TBXAS1: variants seen among roughly 807,000 people sequenced by gnomAD.
TBXAS1 encodes thromboxane-A synthase.
A neutral mutation model predicts 60.7 loss-of-function variants in TBXAS1; 48 were observed. The ratio of observed to expected loss-of-function variants is 0.79; its 90% CI spans 0.63 to 1.01. The LOEUF is 1.01. Ranked by LOEUF, TBXAS1 falls within the 50% of genes least tolerant of loss-of-function variation. TBXAS1 has a pLI of 0.00. For synonymous variants in TBXAS1, 287 were observed against 269.7 expected, an observed-to-expected ratio of 1.06 and a Z score of -0.63; for missense variants, 685 against 686.3, an observed-to-expected ratio of 1.00 and a Z score of 0.02.
At chr7:139,854,398 G>A (rs983694255) in intron 1 of TBXAS1, among the ~76,000 whole-genome samples, 1 of 152,162 alleles carries the variant, frequency 6.6e-6, no homozygotes, top group Non-Finnish European at 1.5e-5. Flanking sequence ...AAGGAGGTTA[G>A]TGCTTGAACT....
chr7:139,929,171 C>T (rs141882663), intron 4 of TBXAS1, among the ~76,000 whole-genome samples: 1,553 of 152,320 alleles, frequency 0.01, 14 homozygotes, highest in South Asian at 0.025. Flanking sequence ...AGAAATAGCA[C>T]TCAAATATAA....
chr7:139,881,964 TC>T (rs1406585130), intron 3 of TBXAS1, among the ~76,000 whole-genome samples: 1 of 152,226 alleles, frequency 6.6e-6, no homozygotes, highest in African/African-American at 2.4e-5. Context: ...GCATGTGGCA[TC>T]AGCAATCAAA....
rs779201611 is a variant in TBXAS1, at chr7:139,955,570, C to T, written c.651C>T (p.Phe217=). The part of the protein sequence containing the change: ...DPFVKHCKRF[F]EFCIPRPILV... ...TTGTGAAACACTGCAAGCGTTTCTT[C>T]GAATTCTGCATCCCCAGACCTATCC... Residue 217 remains phenylalanine (F), a synonymous_variant, in exon 7 of 13, where the codon TTC becomes TTT. Coordinates refer to ENST00000448866, the MANE Select transcript of TBXAS1 (RefSeq NM_001061.7). The T allele has an allele frequency of 1.6e-5, 26 of 1,614,158 alleles. No homozygotes were observed. The highest frequency in any genetic ancestry group is 1.6e-4 in the Middle Eastern group (1 of 6,062).
chr7:139,945,643 A>G (rs6951233), intron 5 of TBXAS1, among the ~76,000 whole-genome samples: 3,181 of 152,358 alleles, frequency 0.021, 118 homozygotes, highest in African/African-American at 0.073. Context: ...AGTTACCACA[A>G]AAGAGCAATA....
At chr7:140,002,939 C>G (rs1471548543) in intron 9 of TBXAS1, among the ~76,000 whole-genome samples, 1 of 151,936 alleles carries the variant, frequency 6.6e-6, no homozygotes, top group Non-Finnish European at 1.5e-5. Context: ...GCCTGACCAA[C>G]ACGGTGAAAC....
Position 139,984,148 on chromosome 7 carries a change from A to G in TBXAS1, c.1134+21915A>G, listed in dbSNP as rs139259385. ...CGGCCATGTGGCCCTGGGGCATGAC[A>G]CAGTTCCCCCTAAGCCTCGCTTCTT... On this transcript the variant is annotated intron_variant, in intron 9 of 12. Transcript: ENST00000448866. Among the ~76,000 whole-genome samples the G allele has an allele frequency of 2.1e-4, 32 of 152,326 alleles. No homozygotes were observed. In the East Asian group the frequency reaches 4.4e-3, roughly 21 times the overall value.
At chr7:139,781,240 A>G (rs1052739726) in intron 2 of TBXAS1, among the ~76,000 whole-genome samples, 8 of 152,236 alleles carry the variant, frequency 5.3e-5, no homozygotes, top group African/African-American at 1.9e-4. Flanking sequence ...ATTTTCCTTC[A>G]TGAATTGGCA....
rs73734162 is a variant in TBXAS1, at chr7:139,935,830, A to G, written c.334-361A>G. 9.5e-3 allele frequency among the ~76,000 whole-genome samples: 1,443 copies of G among 151,860 alleles called. 31 individuals carry two copies. Among genetic ancestry groups the G allele is most frequent in the African/African-American group, 0.033 (1,353 of 41,142 alleles). ...AACTTCAGACATGATACTAATTCCCAGGAAAGACTAGGCCATCTCCAGGAA... is the reference window on the plus strand; with the variant it reads ...AACTTCAGACATGATACTAATTCCCGGGAAAGACTAGGCCATCTCCAGGAA... On this transcript the variant is annotated intron_variant, in intron 4 of 12. Coordinates refer to ENST00000448866, the MANE Select transcript of TBXAS1 (RefSeq NM_001061.7).
Position 139,875,622 on chromosome 7 carries a change from A to G in TBXAS1, c.221A>G (p.Tyr74Cys), listed in dbSNP as rs774822571. 5 of 1,614,228 alleles carry G rather than the reference A, an allele frequency of 3.1e-6. No individual in the cohort carries two copies. In the Admixed American group the frequency reaches 6.7e-5, roughly 22 times the overall value. ...AGCCAAATGGAGCTCAGAAAGCTGTATGGACCTCTGTGTGGGTAAGAAGGA... is the reference window on the plus strand; with the variant it reads ...AGCCAAATGGAGCTCAGAAAGCTGTGTGGACCTCTGTGTGGGTAAGAAGGA... ...WESQMELRKL[Y>C]GPLCGYYLGR... The change falls in exon 3 of 13, where the codon TAT (tyrosine) becomes TGT (cysteine). Residue 74 changes from tyrosine (Y) to cysteine (C), a missense_variant. Transcript: ENST00000448866.
At chr7:139,988,895 T>A (rs1812696788) in intron 9 of TBXAS1, among the ~76,000 whole-genome samples, 1 of 152,146 alleles carries the variant, frequency 6.6e-6, no homozygotes, top group African/African-American at 2.4e-5. Context: ...CTCAGGGTGC[T>A]GTGCGATGGG....
intron 4 of TBXAS1, among the ~76,000 whole-genome samples, chr7:139,821,536 A>G (rs1421298033): frequency 1.3e-5 from 2 of 152,234 alleles, no homozygotes; most frequent in Non-Finnish European, 2.9e-5. Context: ...ACTGTTTATG[A>G]GCCCATCCAT....
At chr7:139,888,529 T>C (rs1803291692) in intron 3 of TBXAS1, among the ~76,000 whole-genome samples, 1 of 152,184 alleles carries the variant, frequency 6.6e-6, no homozygotes, top group Admixed American at 6.5e-5. Context: ...CTTTCCACTA[T>C]ATCACAGGGC....
At chr7:139,808,994 A>G (rs1797946348) in intron 4 of TBXAS1, among the ~76,000 whole-genome samples, 1 of 152,160 alleles carries the variant, frequency 6.6e-6, no homozygotes, top group African/African-American at 2.4e-5. Flanking sequence ...AAAAAAAAAA[A>G]AAAGCTTGTT....
At chr7:139,831,931 CAAACA>C (rs200064741) in intron 1 of TBXAS1, among the ~76,000 whole-genome samples, 30 of 152,054 alleles carry the variant, frequency 2.0e-4, no homozygotes, top group East Asian at 7.7e-4. Flanking sequence ...GACTCTGTTT[CAAACA>C]AAACAAAACA....
chr7:140,020,098 G>A lies in TBXAS1; in HGVS notation c.1601G>A (p.Ter534=), dbSNP rs1037262799. Residue 534 remains the stop codon, a stop_retained_variant, in exon 13 of 13, where the codon TGA becomes TAA. Transcript: ENST00000448866. ...NGVYIKIVSR[*] ...GTCTATATCAAGATCGTATCCCGCT[G>A]ACACAGAAGGCTGCCGGGTGGGGGG... 7 of 1,613,410 alleles carry A rather than the reference G, an allele frequency of 4.3e-6. No individual in the cohort carries two copies. Among genetic ancestry groups the A allele is most frequent in the African/African-American group, 1.3e-5 (1 of 74,710 alleles).
At chr7:139,978,775 C>CAAAA (rs35583867) in intron 9 of TBXAS1, among the ~76,000 whole-genome samples, 18 of 90,886 alleles carry the variant, frequency 2.0e-4, no homozygotes, top group Admixed American at 3.3e-4. Flanking sequence ...CCTGCCTCTA[C>CAAAA]AAAAAAAAAA....
At chr7:139,875,186 G>T (rs1479398543) in intron 2 of TBXAS1, among the ~76,000 whole-genome samples, 2 of 152,150 alleles carry the variant, frequency 1.3e-5, no homozygotes, top group Non-Finnish European at 2.9e-5. Flanking sequence ...AGTTTAACTC[G>T]AATGGATCAT....
chr7:139,872,324 G>A lies in TBXAS1; in HGVS notation c.179G>A (p.Arg60His), dbSNP rs6138. The change falls in exon 2 of 13, where the codon CGC becomes CAC. Residue 60 changes from arginine to histidine, a missense_variant. Arg to His is a conservative substitution (Grantham distance 29). Transcript: ENST00000448866. ...TTCATTGGAAACTTGACATTTTTCCGCCAGGTAAGGGCTGTCTTCCATTGG... is the reference window on the plus strand; with the variant it reads ...TTCATTGGAAACTTGACATTTTTCCACCAGGTAAGGGCTGTCTTCCATTGG... ...SPFIGNLTFF[R>H]QGFWESQMEL... The A allele has an allele frequency of 1.8e-3, 2,953 of 1,613,452 alleles. 5 individuals carry two copies. The highest frequency in any genetic ancestry group is 2.1e-3 in the Non-Finnish European group (2,503 of 1,179,568).
At chr7:139,811,186 CATT>C (rs1449151646) in intron 4 of TBXAS1, among the ~76,000 whole-genome samples, 2 of 152,222 alleles carry the variant, frequency 1.3e-5, no homozygotes, top group Admixed American at 6.5e-5. Flanking sequence ...CACAGGGAAA[CATT>C]ATTTCTTGCC....
Sources: gnomAD v4.1 joint callset for allele counts (sites outside exome capture counted in the v4.1 genomes callset) on GRCh38, gnomAD v4.1.1 for gene constraint, MANE v1.5 for transcripts, NCBI Gene and HGNC (gene_info 2026-07-23, HGNC 2026-07-21) for gene names.